Variants in NOL12 observed in about 807,000 individuals in gnomAD.
NOL12 encodes the protein nucleolar protein 12.
A neutral mutation model predicts 25.2 loss-of-function variants in NOL12; 21 were observed. The observed-to-expected ratio is 0.83, with a 90% CI of 0.59 to 1.20. NOL12 has a LOEUF of 1.20. Ranked by LOEUF, NOL12 falls within the 50% of genes most tolerant of loss-of-function variation. NOL12 has a pLI of 0.00. For missense variants in NOL12, 286 were observed against 287.6 expected (o/e 0.99, Z 0.04); for synonymous variants, 133 against 113.8 (o/e 1.17, Z -1.08).
intron 1 of NOL12, 113 bp from the exon 2 acceptor site, chr22:37,687,797 T>C: frequency 2.7e-6 from 2 of 730,354 alleles, no homozygotes; most frequent in Non-Finnish European, 4.7e-6. Flanking sequence ...TTACACTTTT[T>C]TGGAATGGTG....
intron 3 of NOL12, 85 bp downstream of exon 3, chr22:37,688,445 C>A: frequency 7.0e-7 from 1 of 1,428,956 alleles, no homozygotes; most frequent in Non-Finnish European, 9.9e-7. Flanking sequence ...AGAAGCTGAC[C>A]TCCTTGGCCC....
Position 37,686,391 on chromosome 22 carries a change from C to G in NOL12, c.-2C>G, listed in dbSNP as rs989095630. ...GGAGAGGAAGCCGGCGGCCTCACTGCTATGGGCCGCAACAAGAAGAAGAAG... is the reference window on the plus strand; with the variant it reads ...GGAGAGGAAGCCGGCGGCCTCACTGGTATGGGCCGCAACAAGAAGAAGAAG... On this transcript the variant is annotated 5_prime_UTR_variant, in exon 1 of 6. Coordinates refer to ENST00000359114, the MANE Select transcript of NOL12 (RefSeq NM_024313.3). The G allele has an allele frequency of 3.7e-6, 6 of 1,601,152 alleles. 1 individual carries two copies. The African/African-American group carries it at 5.4e-5, about 14-fold the overall frequency.
At chr22:37,687,443 C>A (rs1921870317) in intron 1 of NOL12, among the ~76,000 whole-genome samples, 1 of 152,140 alleles carries the variant, frequency 6.6e-6, no homozygotes, top group Non-Finnish European at 1.5e-5. Flanking sequence ...TTGATACCCA[C>A]CGCACAGGTT....
intron 1 of NOL12, 58 bp from the exon 2 acceptor site, chr22:37,687,852 C>T (rs1921890184): frequency 1.2e-5 from 16 of 1,338,434 alleles, no homozygotes; most frequent in African/African-American, 5.8e-5. Context: ...TCTCCTAGAG[C>T]GAGCCCTTCT....
intron 1 of NOL12, chr22:37,687,039 C>T: frequency 1.0e-6 from 1 of 985,364 alleles, no homozygotes; most frequent in Non-Finnish European, 1.2e-6. Context: ...TGAGATTAGA[C>T]CGAGGGAAGG....
chr22:37,688,481 G>C, intron 3 of NOL12, 121 bp downstream of exon 3: 1 of 1,023,812 alleles, frequency 9.8e-7, no homozygotes, highest in Non-Finnish European at 1.5e-6. Flanking sequence ...GTACCCTGGG[G>C]CCAGGGGTGG....
At chr22:37,688,769 C>T (rs2145796465) in intron 3 of NOL12, 81 bp from the exon 4 acceptor site, 1 of 1,476,536 alleles carries the variant, frequency 6.8e-7, no homozygotes. Flanking sequence ...AGAGGGGGCA[C>T]TGCACTCCAG....
In NOL12 at chr22:37,692,295, T is replaced by C; in HGVS notation, c.*959T>C. ...TCACTTGAACCCTGGAGGCGGAGGC[T>C]GCAGTGAGCCGAGATCACGCCATTG... On this transcript the variant is annotated 3_prime_UTR_variant, in exon 6 of 6. Coordinates refer to ENST00000359114, the MANE Select transcript of NOL12 (RefSeq NM_024313.3). The C allele has an allele frequency of 2.6e-6, 1 of 385,888 alleles. No homozygotes were observed. The highest frequency in any genetic ancestry group is 4.6e-6 in the Non-Finnish European group (1 of 218,524). The allele number at this position is 385,888 out of a possible 1,614,324, so 23.9% of individuals were successfully genotyped here. A position where few individuals can be genotyped will look rare whatever the true frequency, so the allele number is the denominator to read the frequency against.
rs1922143286 is a variant in NOL12, at chr22:37,693,117, A to G, written c.*1781A>G. 1 of 163,794 alleles carries G rather than the reference A, an allele frequency of 6.1e-6. No individual in the cohort carries two copies. Among genetic ancestry groups the G allele is most frequent in the Admixed American group, 6.4e-5 (1 of 15,554 alleles). 10.1% of individuals were successfully genotyped at this position (163,794 alleles called of 1,614,324 possible). On this transcript the variant is annotated 3_prime_UTR_variant, in exon 6 of 6. Coordinates refer to ENST00000359114, the MANE Select transcript of NOL12 (RefSeq NM_024313.3). ...GGTGCTCAGCCTGCTGTGAGCAGGA[A>G]CAGCTGAGTCCCAGGGGTTCTTGCA... is the stretch of plus-strand genomic sequence containing the variant.
In NOL12 at chr22:37,686,397, G is replaced by A; in HGVS notation, c.5G>A (p.Gly2Asp). M[G>D]RNKKKKRDGD... ...GAAGCCGGCGGCCTCACTGCTATGG[G>A]CCGCAACAAGAAGAAGAAGCGAGAT... is the stretch of plus-strand genomic sequence containing the variant. Residue 2 changes from glycine to aspartate, a missense_variant, in exon 1 of 6, where the codon GGC becomes GAC. Physicochemically the swap from Gly to Asp is moderately conservative, Grantham distance 94. Transcript: ENST00000359114. 2 of 1,603,228 alleles carry A rather than the reference G, an allele frequency of 1.2e-6. No homozygotes were observed. Among genetic ancestry groups the A allele is most frequent in the Non-Finnish European group, 1.7e-6 (2 of 1,176,228 alleles).
chr22:37,687,408 A>G (rs1447777420), intron 1 of NOL12, among the ~76,000 whole-genome samples: 1 of 152,124 alleles, frequency 6.6e-6, no homozygotes, highest in Non-Finnish European at 1.5e-5. Flanking sequence ...TCTGTGACTC[A>G]ACGTTCCCAT....
At chr22:37,691,073 G>A (rs535190735) in intron 5 of NOL12, 101 bp from the exon 6 acceptor site, 35 of 1,371,268 alleles carry the variant, frequency 2.6e-5, no homozygotes, top group Non-Finnish European at 3.1e-5. Context: ...TGAACTTGGC[G>A]GTCCTGGCAT....
chr22:37,688,773 A>G, intron 3 of NOL12, 77 bp from the exon 4 acceptor site: 2 of 1,501,918 alleles, frequency 1.3e-6, no homozygotes, highest in African/African-American at 1.4e-5. Flanking sequence ...GGGGCACTGC[A>G]CTCCAGGGCG....
chr22:37,688,778 A>G, intron 3 of NOL12, 72 bp from the exon 4 acceptor site: 3 of 1,554,280 alleles, frequency 1.9e-6, no homozygotes, highest in Non-Finnish European at 2.7e-6. Context: ...ACTGCACTCC[A>G]GGGCGGGAGG....
At chr22:37,688,147 G>A in intron 2 of NOL12, 132 bp downstream of exon 2, 1 of 1,056,376 alleles carries the variant, frequency 9.5e-7, no homozygotes, top group African/African-American at 1.6e-5. Flanking sequence ...GTTTATACAG[G>A]TGGAGACTCT....
Position 37,691,305 on chromosome 22 carries a change from T to C in NOL12, c.611T>C (p.Leu204Pro). 6.2e-7 allele frequency: 1 copy of C among 1,613,422 alleles called. No individual in the cohort carries two copies. The highest frequency in any genetic ancestry group is 8.5e-7 in the Non-Finnish European group (1 of 1,179,688). The change falls in exon 6 of 6, where the codon CTC (leucine) becomes CCC (proline). Residue 204 changes from leucine to proline, a missense_variant. Physicochemically the swap from Leu to Pro is moderately conservative, Grantham distance 98. Transcript: ENST00000359114. ...PRTSKAQRRR[L>P]TGKARHSGE is the part of the protein sequence containing the mutation. ...ACCAGCAAGGCCCAGCGCCGCCGTC[T>C]CACAGGCAAAGCACGGCACAGCGGG...
chr22:37,686,560 G>C (rs1189964953), intron 1 of NOL12, 85 bp downstream of exon 1: 2 of 1,424,700 alleles, frequency 1.4e-6, no homozygotes, highest in Admixed American at 3.5e-5. Context: ...CTCCCGCCGG[G>C]GGCTCTTCCG....
intron 1 of NOL12, 54 bp from the exon 2 acceptor site, chr22:37,687,856 C>T (rs1921890482): frequency 7.3e-7 from 1 of 1,373,340 alleles, no homozygotes; most frequent in Non-Finnish European, 1.0e-6. Flanking sequence ...CTAGAGCGAG[C>T]CCTTCTCTCC....
Position 37,688,750 on chromosome 22 carries a change from C to G in NOL12, c.239-100C>G, listed in dbSNP as rs574785046. 40 of 1,259,236 alleles carry G rather than the reference C, an allele frequency of 3.2e-5. No individual in the cohort carries two copies. In the African/African-American group the frequency reaches 5.0e-4, roughly 16 times the overall value. 78.0% of individuals were successfully genotyped at this position (1,259,236 alleles called of 1,614,324 possible). A position where few individuals can be genotyped will look rare whatever the true frequency, so the allele number is the denominator to read the frequency against. On this transcript the variant is annotated intron_variant, in intron 3 of 5. Transcript: ENST00000359114. ...GTGACCTTGTGGATGCGCTCCACGT[C>G]CACAGAGTAGAGGGGGCACTGCACT... is the stretch of plus-strand genomic sequence containing the variant.
Sources: allele counts gnomAD v4.1 joint callset (sites outside exome capture counted in the v4.1 genomes callset), GRCh38; gene constraint gnomAD v4.1.1; transcripts MANE v1.5; gene names NCBI Gene and HGNC (gene_info 2026-07-23, HGNC 2026-07-21).